The following MRRF variants were observed in gnomAD, a reference collection of about 807,000 sequenced individuals.
MRRF encodes mitochondrial ribosome recycling factor, also known as ribosome-recycling factor, mitochondrial.
Under a neutral mutation model 25.1 loss-of-function variants are expected in MRRF, and 18 were observed. The observed-to-expected ratio is 0.72, with a 90% CI of 0.50 to 1.06. The LOEUF (loss-of-function observed/expected upper bound fraction) is 1.06. MRRF is among the 50% of genes least tolerant of loss of function. The pLI, the probability that MRRF is intolerant of heterozygous loss-of-function variation, is 0.00. For missense variants in MRRF, 323 were observed against 319.3 expected (o/e 1.01, Z -0.09); for synonymous variants, 113 against 112.1 (o/e 1.01, Z -0.05).
intron 5 of MRRF, among the ~76,000 whole-genome samples, chr9:122,298,305 A>G (rs756698557): frequency 2.0e-5 from 3 of 152,236 alleles, no homozygotes; most frequent in Non-Finnish European, 2.9e-5. Context: ...CAGGATGCCT[A>G]ATCTCACAGT....
intron 5 of MRRF, among the ~76,000 whole-genome samples, chr9:122,309,103 C>T (rs1398494556): frequency 6.6e-6 from 1 of 152,258 alleles, no homozygotes; most frequent in African/African-American, 2.4e-5. Context: ...AATTTGGCAG[C>T]TCTTAAGAAC....
chr9:122,322,418 T>C (rs1835944502), intron 6 of MRRF, 122 bp from the exon 7 acceptor site: 8 of 871,840 alleles, frequency 9.2e-6, no homozygotes, highest in Middle Eastern at 2.1e-4. Flanking sequence ...TGACTGGTAC[T>C]TAATGTGAAC....
chr9:122,271,186 G>A, intron 2 of MRRF, 111 bp downstream of exon 2: 1 of 940,118 alleles, frequency 1.1e-6, no homozygotes, highest in Non-Finnish European at 1.8e-6. Flanking sequence ...GCTAACATGA[G>A]GAAATGGTGC....
In MRRF at chr9:122,265,738, G is replaced by A. The variant is rs1226887125; in HGVS notation, c.-29+800G>A. On this transcript the variant is annotated intron_variant, in intron 1 of 6. Transcript: ENST00000344641. ...GCTGCCGCAAATGCTTTTTGAATAC[G>A]TGTGATTATGAATCTAAATGGCAGA... is the stretch of plus-strand genomic sequence containing the variant. 3.1e-6 allele frequency: 4 copies of A among 1,288,070 alleles called. No individual in the cohort carries two copies. The African/African-American group carries it at 4.6e-5, about 15-fold the overall frequency. The allele number at this position is 1,288,070 out of a possible 1,614,324, so 79.8% of individuals were successfully genotyped here. A position where few individuals can be genotyped will look rare whatever the true frequency, so the allele number is the denominator to read the frequency against.
chr9:122,306,874 G>C (rs764256529), intron 5 of MRRF, among the ~76,000 whole-genome samples: 4 of 152,144 alleles, frequency 2.6e-5, no homozygotes, highest in Non-Finnish European at 5.9e-5. Context: ...GGTATGTCTG[G>C]TTTAACCAGG....
At chr9:122,282,425 C>A (rs1413217286) in intron 3 of MRRF, among the ~76,000 whole-genome samples, 1 of 152,108 alleles carries the variant, frequency 6.6e-6, no homozygotes, top group Non-Finnish European at 1.5e-5. Context: ...ATATATTGTC[C>A]CCACCTTCCA....
At chr9:122,305,082 C>T (rs1834749505) in intron 5 of MRRF, among the ~76,000 whole-genome samples, 1 of 152,082 alleles carries the variant, frequency 6.6e-6, no homozygotes, top group South Asian at 2.1e-4. Context: ...GCTGGGAATA[C>T]AGGCATGCCC....
At chr9:122,285,671 G>A in intron 4 of MRRF, 1 of 910,968 alleles carries the variant, frequency 1.1e-6, no homozygotes, top group East Asian at 6.1e-5. Context: ...GGTAATCAGT[G>A]TTACCTGATA....
At chr9:122,278,967 G>T (rs1188243478) in intron 2 of MRRF, among the ~76,000 whole-genome samples, 1 of 152,040 alleles carries the variant, frequency 6.6e-6, no homozygotes, top group Non-Finnish European at 1.5e-5. Flanking sequence ...CCACCTCCCG[G>T]GTTCAAGCGA....
intron 6 of MRRF, among the ~76,000 whole-genome samples, chr9:122,313,924 A>T (rs10818680): frequency 0.093 from 14,218 of 152,194 alleles, 794 homozygotes; most frequent in East Asian, 0.24. Flanking sequence ...AGGTAAGGTG[A>T]TATAAAAACA....
At position 122,271,013 on chromosome 9, in the gene MRRF, A is replaced by G. The variant is rs372132248; in HGVS notation, c.122A>G (p.His41Arg). ...ACAGTGCATGAAAGACAACATGGCC[A>G]TAGGCAATACATGGCCTATTCAGCT... ...LKTVHERQHG[H>R]RQYMAYSAVP... Residue 41 changes from histidine to arginine, a missense_variant, in exon 2 of 7, where the codon CAT becomes CGT. His to Arg is a conservative substitution (Grantham distance 29). Transcript: ENST00000344641. 1.2e-6 allele frequency: 2 copies of G among 1,614,090 alleles called. No homozygotes were observed. The highest frequency in any genetic ancestry group is 1.3e-5 in the African/African-American group (1 of 74,942).
chr9:122,315,379 G>A (rs2118980564), intron 6 of MRRF, among the ~76,000 whole-genome samples: 2 of 152,302 alleles, frequency 1.3e-5, no homozygotes, highest in East Asian at 3.9e-4. Flanking sequence ...ATGTACCTGT[G>A]TAATGACACT....
intron 5 of MRRF, among the ~76,000 whole-genome samples, chr9:122,294,642 G>C (rs10513397): frequency 0.037 from 5,588 of 152,264 alleles, 208 homozygotes; most frequent in South Asian, 0.15. Flanking sequence ...TGTTACGTGA[G>C]AGGATAAAGG....
At chr9:122,296,125 C>T (rs891591534) in intron 5 of MRRF, among the ~76,000 whole-genome samples, 35 of 152,158 alleles carry the variant, frequency 2.3e-4, no homozygotes, top group South Asian at 2.1e-4. Flanking sequence ...CTCAGCTCTG[C>T]GTGGCTGTTT....
chr9:122,275,627 G>T (rs1832727872), intron 2 of MRRF, among the ~76,000 whole-genome samples: 1 of 151,894 alleles, frequency 6.6e-6, no homozygotes, highest in South Asian at 2.1e-4. Flanking sequence ...ACAGAGTGAG[G>T]CCCTGTCTAA....
intron 5 of MRRF, among the ~76,000 whole-genome samples, chr9:122,297,162 A>C (rs1834140395): frequency 6.6e-6 from 1 of 152,150 alleles, no homozygotes; most frequent in East Asian, 1.9e-4. Flanking sequence ...AAAATACAAA[A>C]ATTAGCTGGG....
At chr9:122,314,558 A>G (rs891002464) in intron 6 of MRRF, among the ~76,000 whole-genome samples, 2 of 152,186 alleles carry the variant, frequency 1.3e-5, no homozygotes, top group Non-Finnish European at 2.9e-5. Context: ...CTGGGGCCCC[A>G]TTTCCAGAGA....
chr9:122,295,252 C>T (rs1218796514), intron 5 of MRRF, among the ~76,000 whole-genome samples: 1 of 152,148 alleles, frequency 6.6e-6, no homozygotes, highest in African/African-American at 2.4e-5. Context: ...CTATTTCCAT[C>T]ATCCCCTTTC....
intron 2 of MRRF, among the ~76,000 whole-genome samples, chr9:122,273,905 A>G (rs1832618738): frequency 6.6e-6 from 1 of 152,202 alleles, no homozygotes; most frequent in African/African-American, 2.4e-5. Context: ...CTGAAAGTAT[A>G]TACCACAATT....
Sources: gnomAD v4.1 joint callset for allele counts (sites outside exome capture counted in the v4.1 genomes callset) on GRCh38, gnomAD v4.1.1 for gene constraint, MANE v1.5 for transcripts, NCBI Gene and HGNC (gene_info 2026-07-23, HGNC 2026-07-21) for gene names.